STRBP: variants seen among roughly 807,000 people sequenced by gnomAD.
The protein encoded by STRBP is spermatid perinuclear RNA-binding protein.
STRBP carries 13 observed loss-of-function variants against 80.1 expected under a neutral mutation model. The observed-to-expected ratio is 0.16, with a 90% CI of 0.11 to 0.26. The LOEUF (loss-of-function observed/expected upper bound fraction) is 0.26, where lower values mean the gene tolerates loss of function less well. Among genes scored for constraint, STRBP ranks in the 10% least tolerant of loss-of-function variants. STRBP has a pLI of 1.00. For synonymous variants in STRBP, 284 were observed against 291.2 expected, an observed-to-expected ratio of 0.98 and a Z score of 0.25; for missense variants, 485 against 815.2, an observed-to-expected ratio of 0.59 and a Z score of 4.93.
chr9:123,190,274 C>T (rs558627203), intron 2 of STRBP, among the ~76,000 whole-genome samples: 2 of 146,244 alleles, frequency 1.4e-5, no homozygotes, highest in Non-Finnish European at 3.0e-5. Context: ...AGTGAGACTC[C>T]ATCTCAGAAA....
At chr9:123,250,839 T>C (rs562237477) in intron 1 of STRBP, among the ~76,000 whole-genome samples, 2 of 152,332 alleles carry the variant, frequency 1.3e-5, no homozygotes, top group East Asian at 1.9e-4. Flanking sequence ...AAAGCAGGGC[T>C]GGCTACAGTG....
At chr9:123,260,873 T>TG (rs2041146999) in intron 1 of STRBP, among the ~76,000 whole-genome samples, 1 of 152,130 alleles carries the variant, frequency 6.6e-6, no homozygotes, top group South Asian at 2.1e-4. Context: ...AAATGAAAAA[T>TG]AAAAATCCAG....
intron 1 of STRBP, among the ~76,000 whole-genome samples, chr9:123,248,996 GC>G (rs1048447343): frequency 6.6e-5 from 10 of 152,180 alleles, no homozygotes; most frequent in Admixed American, 2.0e-4. Context: ...TCAAAATTTG[GC>G]AGCTCTTTAC....
At chr9:123,147,143 T>C in intron 12 of STRBP, 89 bp from the exon 13 acceptor site, 4 of 1,087,574 alleles carry the variant, frequency 3.7e-6, no homozygotes, top group Non-Finnish European at 5.2e-6. Flanking sequence ...CTACTGTAAA[T>C]TCACCAAAAT....
intron 2 of STRBP, among the ~76,000 whole-genome samples, chr9:123,203,894 C>T (rs534079602): frequency 2.6e-5 from 4 of 152,254 alleles, no homozygotes; most frequent in South Asian, 2.1e-4. Flanking sequence ...ACTGCTTGAA[C>T]CCAGGAGGCA....
chr9:123,196,890 T>C (rs1328687005), intron 2 of STRBP, among the ~76,000 whole-genome samples: 1 of 152,070 alleles, frequency 6.6e-6, no homozygotes, highest in Non-Finnish European at 1.5e-5. Context: ...GCTAGGTATA[T>C]ACCCAAAAGA....
chr9:123,264,531 GTATT>G (rs1564344419), intron 1 of STRBP, among the ~76,000 whole-genome samples: 1 of 152,152 alleles, frequency 6.6e-6, no homozygotes, highest in East Asian at 1.9e-4. Flanking sequence ...ATCTATCCCC[GTATT>G]TACGTAGCTC....
At position 123,123,775 on chromosome 9, in the gene STRBP, G is replaced by A. The variant is rs2035803733; in HGVS notation, c.*1822C>T. 2.0e-6 allele frequency: 2 copies of A among 985,206 alleles called. No homozygotes were observed. Among genetic ancestry groups the A allele is most frequent in the Non-Finnish European group, 2.4e-6 (2 of 829,916 alleles). 61.0% of individuals were successfully genotyped at this position (985,206 alleles called of 1,614,324 possible). On this transcript the variant is annotated 3_prime_UTR_variant, in exon 19 of 19. Transcript: ENST00000348403. ...TTAATAGTATTCCAAAGACAATGAG[G>A]ACTACTGTAAAGATTTAATTAATAA...
chr9:123,184,480 T>C (rs1490623622), intron 2 of STRBP, among the ~76,000 whole-genome samples, 182 bp from the exon 3 acceptor site: 1 of 152,188 alleles, frequency 6.6e-6, no homozygotes, highest in Admixed American at 6.5e-5. Flanking sequence ...GCCTAGGTGA[T>C]ATGGCCAGAA....
intron 2 of STRBP, among the ~76,000 whole-genome samples, chr9:123,186,031 CAAA>C (rs745615075): frequency 1.8e-5 from 2 of 110,802 alleles, no homozygotes; most frequent in African/African-American, 3.6e-5. Flanking sequence ...GACTCCGTCT[CAAA>C]AAAAAAAAAA....
chr9:123,152,526 C>T (rs1336468563), intron 11 of STRBP, among the ~76,000 whole-genome samples: 6 of 151,994 alleles, frequency 3.9e-5, no homozygotes, highest in Non-Finnish European at 5.9e-5. Flanking sequence ...CTCATTCATA[C>T]CATGGAATAC....
intron 14 of STRBP, among the ~76,000 whole-genome samples, chr9:123,139,261 T>C (rs1423697201): frequency 1.3e-5 from 2 of 152,138 alleles, no homozygotes; most frequent in African/African-American, 4.8e-5. Context: ...CTAGTTAAAT[T>C]AGGGTATATT....
At chr9:123,133,057 A>G (rs2036207710) in intron 16 of STRBP, 89 bp from the exon 17 acceptor site, 1 of 1,520,020 alleles carries the variant, frequency 6.6e-7, no homozygotes, top group African/African-American at 1.4e-5. Context: ...AACTATGAGA[A>G]ACTGTGAGCA....
At position 123,125,382 on chromosome 9, in the gene STRBP, T is replaced by C. The variant is rs952019897; in HGVS notation, c.*215A>G. 1 of 1,227,794 alleles carries C rather than the reference T, an allele frequency of 8.1e-7. No individual in the cohort carries two copies. Among genetic ancestry groups the C allele is most frequent in the African/African-American group, 1.6e-5 (1 of 63,722 alleles). 76.1% of individuals were successfully genotyped at this position (1,227,794 alleles called of 1,614,324 possible). On this transcript the variant is annotated 3_prime_UTR_variant, in exon 19 of 19. Coordinates refer to ENST00000348403, the MANE Select transcript of STRBP (RefSeq NM_018387.5). Reference sequence around the variant, plus strand: ...GCTGGTATAAGTTATTTTCCAGAAATGAGGTACCGTTTTCACAGAACTGGT... The same window carrying C: ...GCTGGTATAAGTTATTTTCCAGAAACGAGGTACCGTTTTCACAGAACTGGT...
At chr9:123,244,222 T>C (rs956934611) in intron 1 of STRBP, among the ~76,000 whole-genome samples, 1 of 152,204 alleles carries the variant, frequency 6.6e-6, no homozygotes, top group Non-Finnish European at 1.5e-5. Flanking sequence ...TCAGATACTA[T>C]ATGCTTTCAA....
At chr9:123,152,016 G>A (rs920552531) in intron 11 of STRBP, among the ~76,000 whole-genome samples, 1 of 151,980 alleles carries the variant, frequency 6.6e-6, no homozygotes, top group Non-Finnish European at 1.5e-5. Flanking sequence ...ATAAAATGAG[G>A]ATCTTATAAA....
intron 7 of STRBP, 87 bp downstream of exon 7, chr9:123,160,890 A>G: frequency 9.3e-7 from 1 of 1,070,172 alleles, no homozygotes; most frequent in South Asian, 1.5e-5. Flanking sequence ...CATTTTATGT[A>G]GTACACAGAA....
At chr9:123,243,504 C>T (rs1043277054) in intron 1 of STRBP, among the ~76,000 whole-genome samples, 1 of 151,910 alleles carries the variant, frequency 6.6e-6, no homozygotes, top group African/African-American at 2.4e-5. Context: ...CTATGAAAGA[C>T]ACAATTAAGA....
At chr9:123,240,659 C>A (rs2040674287) in intron 1 of STRBP, among the ~76,000 whole-genome samples, 1 of 152,180 alleles carries the variant, frequency 6.6e-6, no homozygotes, top group African/African-American at 2.4e-5. Context: ...CCTTCCTAGG[C>A]TTTGTTGGCT....
Sources: allele counts gnomAD v4.1 joint callset (sites outside exome capture counted in the v4.1 genomes callset), GRCh38; gene constraint gnomAD v4.1.1; transcripts MANE v1.5; gene names NCBI Gene and HGNC (gene_info 2026-07-23, HGNC 2026-07-21).